CBFA2T2: variants seen among roughly 807,000 people sequenced by gnomAD.
The protein encoded by CBFA2T2 is CBFA2/RUNX1 partner transcriptional co-repressor 2.
A neutral mutation model predicts 62.2 loss-of-function variants in CBFA2T2; 11 were observed. The observed-to-expected ratio is 0.18, with a 90% confidence interval of 0.11 to 0.29. The LOEUF is 0.29. Ranked by LOEUF, CBFA2T2 falls within the 10% of genes least tolerant of loss-of-function variation. CBFA2T2 has a pLI of 1.00. For synonymous variants in CBFA2T2, 295 were observed against 287.5 expected (o/e 1.03, Z -0.27); for missense variants, 592 against 774.1 (o/e 0.76, Z 2.79).
At chr20:33,559,192 T>G (rs928735636) in intron 1 of CBFA2T2, among the ~76,000 whole-genome samples, 16 of 146,426 alleles carry the variant, frequency 1.1e-4, no homozygotes, top group Non-Finnish European at 1.9e-4. Flanking sequence ...TTTTTTTTTT[T>G]TCTGAGATGG....
chr20:33,583,915 TTTA>T (rs1013729612), intron 1 of CBFA2T2, among the ~76,000 whole-genome samples: 62 of 146,524 alleles, frequency 4.2e-4, no homozygotes, highest in Non-Finnish European at 2.4e-4. Context: ...AGTGATTTTA[TTTA>T]TTTATTTATT....
rs1307629069 is a variant in CBFA2T2, at chr20:33,623,155, C to T, written c.551C>T (p.Ala184Val). 6.2e-7 allele frequency: 1 copy of T among 1,614,274 alleles called. No homozygotes were observed. ...PLLQRELLHCARAAKQTPSQY... is the reference protein window; with the variant it reads ...PLLQRELLHCVRAAKQTPSQY... ...CTGCAGCGGGAACTGCTGCACTGCG[C>T]TCGGGCGGCCAAGCAGACCCCATCC... Residue 184 changes from alanine (A) to valine (V), a missense_variant, in exon 5 of 11, where the codon GCT (alanine) becomes GTT (valine). Transcript: ENST00000342704.
chr20:33,574,155 G>A (rs2013710233), intron 1 of CBFA2T2: 1 of 1,607,726 alleles, frequency 6.2e-7, no homozygotes, highest in East Asian at 2.2e-5. Context: ...GACTGTACCT[G>A]TGATGTTGCA....
chr20:33,569,283 A>T (rs974059541), intron 1 of CBFA2T2, among the ~76,000 whole-genome samples: 1 of 152,230 alleles, frequency 6.6e-6, no homozygotes, highest in African/African-American at 2.4e-5. Flanking sequence ...TTTGTGGGAG[A>T]AAACAACATG....
Position 33,644,874 on chromosome 20 carries a change from C to G in CBFA2T2, c.*228C>G. The stretch of plus-strand genomic sequence containing the variant: ...CACATGGGCAGCCAGCCTGAGCTGC[C>G]TCCTCCATGGCTTTCCTGGTTTGTT... On this transcript the variant is annotated 3_prime_UTR_variant, in exon 11 of 11. Coordinates refer to ENST00000342704, the MANE Select transcript of CBFA2T2 (RefSeq NM_001032999.3). 1.8e-6 allele frequency: 1 copy of G among 544,304 alleles called. No homozygotes were observed. Among genetic ancestry groups the G allele is most frequent in the Non-Finnish European group, 3.2e-6 (1 of 311,294 alleles). 33.7% of individuals were successfully genotyped at this position (544,304 alleles called of 1,614,324 possible). A position where few individuals can be genotyped will look rare whatever the true frequency, so the allele number is the denominator to read the frequency against.
At chr20:33,524,928 G>A (rs1349253908) in intron 1 of CBFA2T2, among the ~76,000 whole-genome samples, 1 of 152,114 alleles carries the variant, frequency 6.6e-6, no homozygotes, top group Admixed American at 6.5e-5. Flanking sequence ...CTTGCCTCCC[G>A]GGTTCAAGCA....
intron 1 of CBFA2T2, among the ~76,000 whole-genome samples, chr20:33,551,158 T>C (rs1277879879): frequency 6.6e-6 from 1 of 152,116 alleles, no homozygotes; most frequent in African/African-American, 2.4e-5. Context: ...ACTTAAAATA[T>C]ACAATTAACT....
chr20:33,559,189 T>TC (rs2013010844), intron 1 of CBFA2T2, among the ~76,000 whole-genome samples: 1 of 144,040 alleles, frequency 6.9e-6, no homozygotes. Context: ...TTTTTTTTTT[T>TC]TTTTCTGAGA....
chr20:33,581,663 G>T (rs1018655065), intron 1 of CBFA2T2, among the ~76,000 whole-genome samples: 2 of 152,210 alleles, frequency 1.3e-5, no homozygotes, highest in African/African-American at 2.4e-5. Flanking sequence ...TCACTAATCT[G>T]TAGGTATAAA....
intron 1 of CBFA2T2, among the ~76,000 whole-genome samples, chr20:33,564,446 CG>C (rs1294387632): frequency 4.0e-5 from 6 of 151,574 alleles, no homozygotes; most frequent in African/African-American, 1.5e-4. Context: ...TTAGTAGAGA[CG>C]GGTTTTACCA....
chr20:33,491,319 TTTAG>T (rs751271386), intron 1 of CBFA2T2, among the ~76,000 whole-genome samples: 10 of 152,030 alleles, frequency 6.6e-5, no homozygotes, highest in Non-Finnish European at 1.5e-4. Context: ...GGGTTTTGAG[TTTAG>T]TTAGGAGAGG....
intron 1 of CBFA2T2, among the ~76,000 whole-genome samples, chr20:33,517,064 G>C (rs1447259351): frequency 6.6e-6 from 1 of 152,218 alleles, no homozygotes; most frequent in Non-Finnish European, 1.5e-5. Flanking sequence ...ACTGCTTCAT[G>C]ATGTTGCCAA....
Position 33,493,947 on chromosome 20 carries a change from G to A in CBFA2T2, c.34+3646G>A, listed in dbSNP as rs188263840. On this transcript the variant is annotated intron_variant, in intron 1 of 10. Coordinates refer to ENST00000342704, the MANE Select transcript of CBFA2T2 (RefSeq NM_001032999.3). ...TGCCCCAGCTGGAGTGCAGTGGTGC[G>A]ATCTCGGCTCACTGCATCGTCCATC... Among the ~76,000 whole-genome samples the A allele has an allele frequency of 8.6e-5, 13 of 151,458 alleles. No individual in the cohort carries two copies. The South Asian group carries it at 1.3e-3, about 15-fold the overall frequency.
chr20:33,633,106 C>T (rs1368091772), intron 8 of CBFA2T2, among the ~76,000 whole-genome samples: 1 of 152,004 alleles, frequency 6.6e-6, no homozygotes, highest in Non-Finnish European at 1.5e-5. Flanking sequence ...TGCAGTGTCT[C>T]ACGCCTGTAA....
intron 1 of CBFA2T2, among the ~76,000 whole-genome samples, chr20:33,573,702 G>C (rs1310047188): frequency 2.0e-5 from 3 of 151,762 alleles, no homozygotes; most frequent in Non-Finnish European, 2.9e-5. Flanking sequence ...GGCTGGCCTC[G>C]AACTCCTGAC....
At chr20:33,568,914 A>T (rs190837219) in intron 1 of CBFA2T2, among the ~76,000 whole-genome samples, 1 of 152,188 alleles carries the variant, frequency 6.6e-6, no homozygotes, top group African/African-American at 2.4e-5. Context: ...ACTGTGATGA[A>T]CATTTTACAA....
At chr20:33,628,326 A>G in intron 6 of CBFA2T2, 24 bp from the exon 7 acceptor site, 1 of 1,542,932 alleles carries the variant, frequency 6.5e-7, no homozygotes, top group Non-Finnish European at 9.0e-7. Flanking sequence ...GCTATCTTTG[A>G]ATTTAATCTG....
intron 1 of CBFA2T2, among the ~76,000 whole-genome samples, chr20:33,534,336 G>GTTTA (rs2012143272): frequency 6.6e-6 from 1 of 151,988 alleles, no homozygotes; most frequent in Admixed American, 6.6e-5. Flanking sequence ...TTGTTTGTTT[G>GTTTA]TTTGAGACAG....
chr20:33,647,774 GTT>G lies in CBFA2T2; in HGVS notation c.*3130_*3131del, dbSNP rs1268305762. 3 of 152,364 alleles carry G rather than the reference GTT, an allele frequency of 2.0e-5. No homozygotes were observed. Among genetic ancestry groups the G allele is most frequent in the Non-Finnish European group, 4.4e-5 (3 of 68,134 alleles). 9.4% of individuals were successfully genotyped at this position (152,364 alleles called of 1,614,324 possible). A position where few individuals can be genotyped will look rare whatever the true frequency, so the allele number is the denominator to read the frequency against. ...CTTGTGGGCTGTGGTTGCTGTGACA[GTT>G]TCGTTTTCTGAATCTTTGTAATGCT... On this transcript the variant is annotated 3_prime_UTR_variant, in exon 11 of 11. Coordinates refer to ENST00000342704, the MANE Select transcript of CBFA2T2 (RefSeq NM_001032999.3).
Sources: allele counts gnomAD v4.1 joint callset (sites outside exome capture counted in the v4.1 genomes callset), GRCh38; gene constraint gnomAD v4.1.1; transcripts MANE v1.5; gene names NCBI Gene and HGNC (gene_info 2026-07-23, HGNC 2026-07-21).